The following LAMC2 variants were observed in gnomAD, a reference collection of about 807,000 sequenced individuals.
LAMC2 encodes the protein laminin subunit gamma 2.
LAMC2 carries 97 observed loss-of-function variants against 140.2 expected under a neutral mutation model. That is an observed-to-expected ratio of 0.69 (90% CI 0.59 to 0.82). The LOEUF (loss-of-function observed/expected upper bound fraction) is 0.82, where lower values mean the gene tolerates loss of function less well. LAMC2 is among the 40% of genes least tolerant of loss of function. LAMC2 has a pLI of 0.00. For missense variants in LAMC2, 1,402 were observed against 1,476.1 expected (o/e 0.95, Z 0.82); for synonymous variants, 513 against 540.2 (o/e 0.95, Z 0.70).
chr1:183,190,038 C>T (rs74129646), intron 1 of LAMC2, among the ~76,000 whole-genome samples: 5,660 of 152,260 alleles, frequency 0.037, 338 homozygotes, highest in African/African-American at 0.13. Context: ...TAGCATCATA[C>T]ACAAAAGTGC....
chr1:183,252,680 G>A, the LAMC2 span: 1 of 1,614,142 alleles, frequency 6.2e-7, no homozygotes, highest in East Asian at 2.2e-5. Context: ...TTTTGAGGAT[G>A]TAGTCGATGA....
intron 3 of LAMC2, 58 bp downstream of exon 3, chr1:183,215,646 C>T: frequency 1.3e-6 from 2 of 1,599,444 alleles, no homozygotes; most frequent in South Asian, 2.2e-5. Flanking sequence ...ATTATATAAA[C>T]CTTAGCAAAC....
chr1:183,223,304 C>A lies in LAMC2; in HGVS notation c.933C>A (p.Leu311=), dbSNP rs146874870. The A allele has an allele frequency of 6.1e-5, 99 of 1,614,058 alleles. No homozygotes were observed. The highest frequency in any genetic ancestry group is 8.2e-5 in the Non-Finnish European group (97 of 1,180,044). ...TTGGCAAGACACTGCCTTGTGGGCT[C>A]ACCAAGACTTACACATTCAGGTAAA... ...MPLGKTLPCG[L]TKTYTFRLNE... is the part of the protein sequence containing the mutation. The change falls in exon 7 of 23, where the codon CTC becomes CTA. Residue 311 remains leucine, a synonymous_variant. Transcript: ENST00000264144.
chr1:183,253,252 A>C, the LAMC2 span, among the ~76,000 whole-genome samples: 3 of 147,892 alleles, frequency 2.0e-5, no homozygotes, highest in Non-Finnish European at 4.5e-5. Context: ...ATATTTTATA[A>C]TTTATATATT....
chr1:183,243,600 G>A lies in LAMC2; in HGVS notation c.*200G>A, dbSNP rs114356159. 3.7e-4 allele frequency: 235 copies of A among 637,020 alleles called. 1 individual carries two copies. In the African/African-American group the frequency reaches 3.7e-3, roughly 10 times the overall value. The allele number at this position is 637,020 out of a possible 1,614,324, so 39.5% of individuals were successfully genotyped here. On this transcript the variant is annotated 3_prime_UTR_variant, in exon 23 of 23. Transcript: ENST00000264144. ...CATACTCCTTGCTTCCTGATGCTGG[G>A]CAATGAGGCAGATAGCACTGGGTGT...
intron 1 of LAMC2, among the ~76,000 whole-genome samples, chr1:183,197,846 G>C (rs976297934): frequency 6.6e-6 from 1 of 152,122 alleles, no homozygotes; most frequent in Non-Finnish European, 1.5e-5. Flanking sequence ...ACCCAAGGGA[G>C]ACTCAGACTG....
the LAMC2 span, among the ~76,000 whole-genome samples, chr1:183,253,246 T>C: frequency 1.1e-4 from 16 of 148,046 alleles, no homozygotes; most frequent in Non-Finnish European, 2.1e-4. Flanking sequence ...TATTATATAT[T>C]TTATAATTTA....
chr1:183,230,911 A>C, intron 11 of LAMC2, 50 bp from the exon 12 acceptor site: 1 of 1,610,518 alleles, frequency 6.2e-7, no homozygotes, highest in South Asian at 1.1e-5. Flanking sequence ...CTCTACCTCC[A>C]CTTTCTAGAC....
intron 15 of LAMC2, 22 bp downstream of exon 15, chr1:183,234,468 C>T (rs751561812): frequency 6.3e-7 from 1 of 1,593,632 alleles, no homozygotes; most frequent in Non-Finnish European, 8.6e-7. Context: ...TAGAGGGCAC[C>T]TCTGCTTCAA....
At chr1:183,227,468 C>T (rs1414807536) in intron 9 of LAMC2, 47 bp from the exon 10 acceptor site, 1 of 1,519,600 alleles carries the variant, frequency 6.6e-7, no homozygotes, top group South Asian at 1.1e-5. Context: ...AATGTATTGT[C>T]TGACCCTGCT....
intron 8 of LAMC2, 105 bp from the exon 9 acceptor site, chr1:183,226,593 C>A: frequency 1.0e-6 from 1 of 968,782 alleles, no homozygotes; most frequent in Non-Finnish European, 1.7e-6. Flanking sequence ...TGAACACCAC[C>A]TGTCTTTGTT....
chr1:183,220,329 G>A (rs756102259), intron 4 of LAMC2, among the ~76,000 whole-genome samples: 6 of 152,112 alleles, frequency 3.9e-5, no homozygotes, highest in Non-Finnish European at 7.4e-5. Context: ...CCAGAGCCCA[G>A]GTACAAGAGT....
chr1:183,233,553 G>A (rs1659859008), intron 14 of LAMC2, among the ~76,000 whole-genome samples: 1 of 152,096 alleles, frequency 6.6e-6, no homozygotes, highest in South Asian at 2.1e-4. Flanking sequence ...CTATAATGAG[G>A]AAGTCACATT....
rs141905246 is a variant in LAMC2, at chr1:183,239,829, G to A, written c.3070-211G>A. ...ACTGAGAGAGAAGCACTGTCTGGCC[G>A]CTGACCTTCCTAGTCATACCCCCAG... On this transcript the variant is annotated intron_variant, in intron 20 of 22. Transcript: ENST00000264144. 334 of 662,314 alleles carry A rather than the reference G, an allele frequency of 5.0e-4. 4 individuals carry two copies. In the East Asian group the frequency reaches 8.1e-3, roughly 16 times the overall value. 41.0% of individuals were successfully genotyped at this position (662,314 alleles called of 1,614,324 possible). A position where few individuals can be genotyped will look rare whatever the true frequency, so the allele number is the denominator to read the frequency against.
intron 9 of LAMC2, 32 bp downstream of exon 9, chr1:183,226,948 G>T: frequency 6.5e-7 from 1 of 1,543,568 alleles, no homozygotes; most frequent in Non-Finnish European, 8.9e-7. Flanking sequence ...CCAGGTGGCT[G>T]GGGTGTCATG....
chr1:183,205,395 A>C (rs1658851743), intron 1 of LAMC2, among the ~76,000 whole-genome samples: 1 of 152,220 alleles, frequency 6.6e-6, no homozygotes, highest in African/African-American at 2.4e-5. Context: ...GCTTGGCACT[A>C]GTTCTGAGAA....
chr1:183,232,732 A>C lies in LAMC2; in HGVS notation c.2095A>C (p.Lys699Gln). 6.2e-7 allele frequency: 1 copy of C among 1,614,026 alleles called. No homozygotes were observed. Among genetic ancestry groups the C allele is most frequent in the Non-Finnish European group, 8.5e-7 (1 of 1,179,972 alleles). ...CTACCAGAGCCGCCTGGATGACCTC[A>C]AGATGACTGTGGAAAGAGTTCGGGC... The part of the protein sequence containing the change: ...NSYQSRLDDL[K>Q]MTVERVRALG... Residue 699 changes from lysine to glutamine, a missense_variant, in exon 14 of 23, where the codon AAG (lysine) becomes CAG (glutamine). By Grantham distance (53) the Lys-to-Gln change is moderately conservative. Around this residue, in one of 3 missense-constraint regions of LAMC2, gnomAD observed 670 missense variants for 667.2 expected, o/e 1.00. Coordinates refer to ENST00000264144, the MANE Select transcript of LAMC2 (RefSeq NM_005562.3).
At chr1:183,198,109 A>G (rs1253138913) in intron 1 of LAMC2, among the ~76,000 whole-genome samples, 1 of 150,764 alleles carries the variant, frequency 6.6e-6, no homozygotes, top group Non-Finnish European at 1.5e-5. Context: ...AATAAGAAAG[A>G]TAATTGAGCA....
In LAMC2 at chr1:183,232,738, A is replaced by G; in HGVS notation, c.2101A>G (p.Thr701Ala). Reference protein sequence around the residue: ...YQSRLDDLKMTVERVRALGSQ... With the variant: ...YQSRLDDLKMAVERVRALGSQ... ...GAGCCGCCTGGATGACCTCAAGATG[A>G]CTGTGGAAAGAGTTCGGGCTCTGGG... Residue 701 changes from threonine (T) to alanine (A), a missense_variant, in exon 14 of 23, where the codon ACT becomes GCT. Around this residue, in one of 3 missense-constraint regions of LAMC2, gnomAD observed 670 missense variants for 667.2 expected, o/e 1.00. Transcript: ENST00000264144. The G allele has an allele frequency of 6.2e-7, 1 of 1,613,964 alleles. No individual in the cohort carries two copies. Among genetic ancestry groups the G allele is most frequent in the Non-Finnish European group, 8.5e-7 (1 of 1,179,970 alleles).
Sources: gnomAD v4.1 joint callset for allele counts (sites outside exome capture counted in the v4.1 genomes callset) on GRCh38, gnomAD v4.1.1 for gene constraint, gnomAD v4.1.1 regional missense constraint, MANE v1.5 for transcripts, NCBI Gene and HGNC (gene_info 2026-07-23, HGNC 2026-07-21) for gene names.